Variants in TMOD3 observed in about 807,000 individuals in gnomAD.
The protein encoded by TMOD3 is tropomodulin 3.
TMOD3 carries 20 observed loss-of-function variants against 39.2 expected under a neutral mutation model. The ratio of observed to expected loss-of-function variants is 0.51; its 90% CI spans 0.36 to 0.74. The LOEUF is 0.74. Ranked by LOEUF, TMOD3 falls within the 30% of genes least tolerant of loss-of-function variation. TMOD3 has a pLI of 0.00. For synonymous variants in TMOD3, 143 were observed against 145.8 expected (o/e 0.98, Z 0.14); for missense variants, 381 against 412.8 (o/e 0.92, Z 0.67).
chr15:51,893,946 G>A lies in TMOD3; in HGVS notation c.627+1G>A. On this transcript the variant is annotated splice_donor_variant, in intron 6 of 9. Transcript: ENST00000308580. LOFTEE classifies it high-confidence loss of function. ...TGAAGTTAATTTGAATAATATAAAG[G>A]TAAGTGTGCTAATCAGAGTGGTTTT... is the stretch of plus-strand genomic sequence containing the variant. 6.3e-7 allele frequency: 1 copy of A among 1,598,106 alleles called. No homozygotes were observed. Among genetic ancestry groups the A allele is most frequent in the Middle Eastern group, 1.7e-4 (1 of 5,966 alleles).
rs1478857351 is a variant in TMOD3 at position 51,912,696 on chromosome 15, T to A, written c.*3886T>A. ...TTGCAAGTTTAGTACTGCCCAAATT[T>A]ACTCATTCTACAGTGTTACTGCACT... On this transcript the variant is annotated 3_prime_UTR_variant, in exon 10 of 10. Coordinates refer to ENST00000308580, the MANE Select transcript of TMOD3 (RefSeq NM_014547.5). 1 of 152,140 alleles carries A rather than the reference T, an allele frequency of 6.6e-6. No individual in the cohort carries two copies. The highest frequency in any genetic ancestry group is 1.5e-5 in the Non-Finnish European group (1 of 68,024). 9.4% of individuals were successfully genotyped at this position (152,140 alleles called of 1,614,324 possible). A position where few individuals can be genotyped will look rare whatever the true frequency, so the allele number is the denominator to read the frequency against.
In TMOD3 at chr15:51,911,139, G is replaced by A. The variant is rs761889170; in HGVS notation, c.*2329G>A. ...CCTAGACTTTCAGTCAGGCATCCTC[G>A]TTTGCATTGTCCTGTAAGTCAATTA... On this transcript the variant is annotated 3_prime_UTR_variant, in exon 10 of 10. Coordinates refer to ENST00000308580, the MANE Select transcript of TMOD3 (RefSeq NM_014547.5). 6.6e-5 allele frequency: 10 copies of A among 152,104 alleles called. No individual in the cohort carries two copies. The highest frequency in any genetic ancestry group is 2.0e-4 in the Admixed American group (3 of 15,256). The allele number at this position is 152,104 out of a possible 1,614,324, so 9.4% of individuals were successfully genotyped here. A position where few individuals can be genotyped will look rare whatever the true frequency, so the allele number is the denominator to read the frequency against.
At chr15:51,870,424 G>C (rs950854159) in intron 3 of TMOD3, among the ~76,000 whole-genome samples, 2 of 152,198 alleles carry the variant, frequency 1.3e-5, no homozygotes, top group African/African-American at 4.8e-5. Context: ...CTGAAGATCA[G>C]CTCTTGCAGG....
At chr15:51,887,306 TATTG>T (rs2056569979) in intron 3 of TMOD3, among the ~76,000 whole-genome samples, 1 of 151,138 alleles carries the variant, frequency 6.6e-6, no homozygotes, top group Admixed American at 6.6e-5. Context: ...TTCCTTCATT[TATTG>T]ATTGATTCAG....
rs68117829 is a variant in TMOD3 at position 51,879,856 on chromosome 15, T to TCACACACACACACACACACA, written c.284-7719_284-7700dup. ...CAATCTCTTTCTCTCTCTCTGTCTT[T>TCACACACACACACACACACA]CACACACACACACACACACACACAC... On this transcript the variant is annotated intron_variant, in intron 3 of 9. Transcript: ENST00000308580. Among the ~76,000 whole-genome samples, 169 of 142,652 alleles carry TCACACACACACACACACACA rather than the reference T, an allele frequency of 1.2e-3. 1 individual carries two copies. The highest frequency in any genetic ancestry group is 2.9e-3 in the East Asian group (14 of 4,846). The allele number at this position is 142,652 out of a possible 152,430, so 93.6% of individuals were successfully genotyped here.
chr15:51,861,305 C>G (rs768725105), intron 1 of TMOD3: 3 of 318,114 alleles, frequency 9.4e-6, no homozygotes, highest in South Asian at 6.9e-5. Flanking sequence ...GGTCCGAACT[C>G]TACAACCCCA....
intron 1 of TMOD3, among the ~76,000 whole-genome samples, chr15:51,849,281 G>A (rs1163329721): frequency 6.6e-6 from 1 of 152,162 alleles, no homozygotes; most frequent in Non-Finnish European, 1.5e-5. Context: ...CAGGTATGGG[G>A]GAGAAAATTA....
intron 5 of TMOD3, among the ~76,000 whole-genome samples, chr15:51,893,035 C>T (rs1031065410): frequency 2.6e-5 from 4 of 152,050 alleles, no homozygotes; most frequent in African/African-American, 7.2e-5. Flanking sequence ...GTGGCTCCTG[C>T]CTGTAATCCC....
chr15:51,848,816 G>A (rs948886754), intron 1 of TMOD3, among the ~76,000 whole-genome samples: 6 of 152,218 alleles, frequency 3.9e-5, no homozygotes, highest in African/African-American at 7.2e-5. Context: ...CAAAGGCAAA[G>A]CTGAATTTAA....
At chr15:51,860,048 G>A (rs960328264) in intron 1 of TMOD3, 5 of 529,830 alleles carry the variant, frequency 9.4e-6, no homozygotes, top group Non-Finnish European at 1.5e-5. Context: ...TTCATATACG[G>A]CACAGCATCT....
rs1347409127 is a variant in TMOD3, at chr15:51,901,879, C to A, written c.880-13C>A. 6.3e-7 allele frequency: 1 copy of A among 1,598,482 alleles called. No individual in the cohort carries two copies. Among genetic ancestry groups the A allele is most frequent in the Non-Finnish European group, 8.5e-7 (1 of 1,175,740 alleles). Reference sequence around the variant, plus strand: ...AGTTTATTAATATTGTTCTTTTTTTCTAATTACTCCAGAGGCAGCAGTTGG... The same window carrying A: ...AGTTTATTAATATTGTTCTTTTTTTATAATTACTCCAGAGGCAGCAGTTGG... On this transcript the variant is annotated splice_polypyrimidine_tract_variant and intron_variant, in intron 8 of 9. Coordinates refer to ENST00000308580, the MANE Select transcript of TMOD3 (RefSeq NM_014547.5).
chr15:51,833,617 C>T (rs1016541258), intron 1 of TMOD3, among the ~76,000 whole-genome samples: 8 of 152,316 alleles, frequency 5.3e-5, no homozygotes, highest in Non-Finnish European at 1.0e-4. Flanking sequence ...TGGAATCATA[C>T]AGCATGTGCT....
Position 51,915,615 on chromosome 15 carries a change from A to T in TMOD3, c.*6805A>T, listed in dbSNP as rs2056729324. The T allele has an allele frequency of 6.6e-6, 1 of 152,248 alleles. No homozygotes were observed. The highest frequency in any genetic ancestry group is 1.5e-5 in the Non-Finnish European group (1 of 68,042). 9.4% of individuals were successfully genotyped at this position (152,248 alleles called of 1,614,324 possible). On this transcript the variant is annotated 3_prime_UTR_variant, in exon 10 of 10. Transcript: ENST00000308580. ...ATAATACAAAATATTATCCAAATTC[A>T]TAACAGCACAGTGAAGTTTCTTTTG...
chr15:51,880,870 AT>A (rs1352751067), intron 3 of TMOD3, among the ~76,000 whole-genome samples: 1 of 152,120 alleles, frequency 6.6e-6, no homozygotes, highest in Admixed American at 6.5e-5. Context: ...TAAGGTAACT[AT>A]TTTTTAACAA....
intron 9 of TMOD3, among the ~76,000 whole-genome samples, chr15:51,908,383 A>G (rs957442782): frequency 6.6e-6 from 1 of 152,212 alleles, no homozygotes; most frequent in Admixed American, 6.5e-5. Context: ...AGACCAGCCT[A>G]GGCAAGATAG....
chr15:51,868,534 G>A (rs150838110), intron 2 of TMOD3, among the ~76,000 whole-genome samples: 3 of 152,086 alleles, frequency 2.0e-5, no homozygotes, highest in East Asian at 1.9e-4. Flanking sequence ...CTATATGTCC[G>A]TGTGTTCTCA....
intron 3 of TMOD3, among the ~76,000 whole-genome samples, chr15:51,875,614 T>TC (rs2056498202): frequency 6.7e-6 from 1 of 148,578 alleles, no homozygotes; most frequent in Non-Finnish European, 1.5e-5. Flanking sequence ...GTACTGCCTT[T>TC]TTTTTTTTTT....
rs534603398 is a variant in TMOD3 at position 51,843,117 on chromosome 15, G to A, written c.-75+13281G>A. On this transcript the variant is annotated intron_variant, in intron 1 of 9. Transcript: ENST00000308580. The stretch of plus-strand genomic sequence containing the variant: ...ATACCTGGAGCACTGCTGATCTTGA[G>A]AGGAGGAAAAAGAGTAGTCAGAGTT... Among the ~76,000 whole-genome samples, 36 of 152,356 alleles carry A rather than the reference G, an allele frequency of 2.4e-4. No homozygotes were observed. The East Asian group carries it at 4.8e-3, about 20-fold the overall frequency.
intron 2 of TMOD3, among the ~76,000 whole-genome samples, chr15:51,868,875 G>C (rs2056460756): frequency 6.6e-6 from 1 of 152,168 alleles, no homozygotes; most frequent in Non-Finnish European, 1.5e-5. Context: ...GGGAGTCTGA[G>C]GCATGATAAT....
Sources: allele counts gnomAD v4.1 joint callset (sites outside exome capture counted in the v4.1 genomes callset), GRCh38; gene constraint gnomAD v4.1.1; transcripts MANE v1.5; gene names NCBI Gene and HGNC (gene_info 2026-07-23, HGNC 2026-07-21).